ERMP1: variants seen among roughly 807,000 people sequenced by gnomAD.
ERMP1 encodes the protein endoplasmic reticulum metallopeptidase 1.
A neutral mutation model predicts 92.0 loss-of-function variants in ERMP1; 86 were observed. The ratio of observed to expected loss-of-function variants is 0.93; its 90% CI spans 0.79 to 1.12. ERMP1 has a LOEUF of 1.12. Ranked by LOEUF, ERMP1 falls within the 50% of genes most tolerant of loss-of-function variation. The pLI is 0.00. For synonymous variants in ERMP1, 530 were observed against 412.8 expected (o/e 1.28, Z -3.44); for missense variants, 1,342 against 1,116.3 (o/e 1.20, Z -2.88).
chr9:5,810,012 ATGT>A lies in ERMP1; in HGVS notation c.1544_1546del (p.Tyr515_Met516delinsLeu), dbSNP rs1563758158. The A allele has an allele frequency of 4.4e-6, 7 of 1,580,114 alleles. No individual in the cohort carries two copies. Among genetic ancestry groups the A allele is most frequent in the Non-Finnish European group, 6.1e-6 (7 of 1,150,088 alleles). The stretch of plus-strand genomic sequence containing the variant: ...TCAACAAATATACCAAACACTTACC[ATGT>A]AATAAAATCTTTTCGCAAGAGTATG... On this transcript the variant is annotated inframe_deletion and splice_region_variant, in exon 8 of 15. Coordinates refer to ENST00000339450, the MANE Select transcript of ERMP1 (RefSeq NM_024896.3).
intron 6 of ERMP1, among the ~76,000 whole-genome samples, chr9:5,841,477 G>T (rs1830162624): frequency 6.6e-6 from 1 of 152,178 alleles, no homozygotes; most frequent in African/African-American, 2.4e-5. Context: ...CTGCTTAAAA[G>T]GTATGGGGTT....
upstream of ERMP1, among the ~76,000 whole-genome samples, chr9:5,836,076 G>C (rs891303069): frequency 3.3e-5 from 5 of 152,214 alleles, no homozygotes; most frequent in Admixed American, 3.3e-4. Flanking sequence ...TTATGACAAA[G>C]TAAGAGCTAA....
intron 5 of ERMP1, 58 bp downstream of exon 5, chr9:5,812,831 A>T: frequency 6.3e-7 from 1 of 1,591,926 alleles, no homozygotes; most frequent in East Asian, 2.2e-5. Context: ...TTCAAGATTT[A>T]AAATTTGCTT....
intron 6 of ERMP1, among the ~76,000 whole-genome samples, chr9:5,839,692 C>T (rs1344351723): frequency 1.3e-5 from 2 of 152,194 alleles, no homozygotes; most frequent in South Asian, 2.1e-4. Flanking sequence ...CAGGCTGTGT[C>T]CTGGAACGGT....
At position 5,798,921 on chromosome 9, in the gene ERMP1, T is replaced by C; in HGVS notation, c.2155A>G (p.Ile719Val). 1.2e-6 allele frequency: 2 copies of C among 1,612,952 alleles called. No homozygotes were observed. Among genetic ancestry groups the C allele is most frequent in the Middle Eastern group, 1.7e-4 (1 of 6,058 alleles). ...GGAATGTGAGGGGTTATGTGAGAAA[T>C]TCCAGTATAATCAAACCCATTGATC... ...IWINGFDYTG[I>V]SHITPHIPEI... The change falls in exon 12 of 15, where the codon ATT (isoleucine) becomes GTT (valine). Residue 719 changes from isoleucine to valine, a missense_variant. Coordinates refer to ENST00000339450, the MANE Select transcript of ERMP1 (RefSeq NM_024896.3).
At chr9:5,855,858 A>C (rs1381478617) in intron 6 of ERMP1, 2 of 192,180 alleles carry the variant, frequency 1.0e-5, no homozygotes, top group Admixed American at 6.3e-5. Context: ...ATCAGTCTCC[A>C]TCCCAGAAAA....
At position 5,832,779 on chromosome 9, in the gene ERMP1, C is replaced by G. The variant is rs201192168; in HGVS notation, c.249G>C (p.Ala83=). Residue 83 remains alanine (A), a synonymous_variant, in exon 1 of 15, where the codon GCG becomes GCC. Coordinates refer to ENST00000339450, the MANE Select transcript of ERMP1 (RefSeq NM_024896.3). ...GCGAGAGCTGCACCAGCGTCCGCAG[C>G]GCGATCAGGTAGAGCGCGAGCCCCA... The part of the protein sequence containing the change: ...AALGLALYLI[A]LRTLVQLSLQ... 4.1e-4 allele frequency: 609 copies of G among 1,500,128 alleles called. 6 individuals are homozygous for G. In the African/African-American group the frequency reaches 7.8e-3, roughly 19 times the overall value. The allele number at this position is 1,500,128 out of a possible 1,614,324, so 92.9% of individuals were successfully genotyped here.
chr9:5,785,232 G>C lies in ERMP1; in HGVS notation c.*1912C>G, dbSNP rs1346254827. On this transcript the variant is annotated 3_prime_UTR_variant, in exon 15 of 15. Coordinates refer to ENST00000339450, the MANE Select transcript of ERMP1 (RefSeq NM_024896.3). Reference sequence around the variant, plus strand: ...ATGAAAACAGTCATAATTTATTACTGATAAAGAGTAAAGGCATCCTTCCCA... The same window carrying C: ...ATGAAAACAGTCATAATTTATTACTCATAAAGAGTAAAGGCATCCTTCCCA... 6.6e-6 allele frequency: 1 copy of C among 152,134 alleles called. No individual in the cohort carries two copies. Among genetic ancestry groups the C allele is most frequent in the Non-Finnish European group, 1.5e-5 (1 of 68,026 alleles). 9.4% of individuals were successfully genotyped at this position (152,134 alleles called of 1,614,324 possible).
intron 5 of ERMP1, among the ~76,000 whole-genome samples, 175 bp from the exon 6 acceptor site, chr9:5,812,392 T>C (rs1042418225): frequency 6.6e-6 from 1 of 152,230 alleles, no homozygotes; most frequent in Non-Finnish European, 1.5e-5. Context: ...ACACAGTCTA[T>C]AGCTTTGGTA....
intron 5 of ERMP1, 32 bp downstream of exon 5, chr9:5,812,857 T>A: frequency 6.2e-7 from 1 of 1,613,368 alleles, no homozygotes; most frequent in South Asian, 1.1e-5. Context: ...AAATAAATGC[T>A]GCACAGTAGG....
exon 6 of ERMP1, among the ~76,000 whole-genome samples, chr9:5,859,582 T>G (rs928812165): frequency 3.2e-4 from 49 of 152,158 alleles, no homozygotes; most frequent in Non-Finnish European, 3.1e-4. Flanking sequence ...GTTCAGGGAA[T>G]GAGAAAGACC....
intron 4 of ERMP1, among the ~76,000 whole-genome samples, chr9:5,813,540 A>AGGGAATAT (rs1382662429): frequency 2.0e-5 from 3 of 152,118 alleles, no homozygotes; most frequent in Non-Finnish European, 4.4e-5. Flanking sequence ...TCTGCATTAT[A>AGGGAATAT]CTAGTAAGCA....
intron 11 of ERMP1, 79 bp downstream of exon 11, chr9:5,801,097 G>C (rs891018418): frequency 6.9e-7 from 1 of 1,446,260 alleles, no homozygotes; most frequent in Non-Finnish European, 9.3e-7. Flanking sequence ...AGTCAGCTGC[G>C]CTTGCTATTC....
intron 13 of ERMP1, among the ~76,000 whole-genome samples, chr9:5,793,289 T>C (rs1471334733): frequency 6.7e-6 from 1 of 148,578 alleles, no homozygotes; most frequent in Non-Finnish European, 1.5e-5. Flanking sequence ...AAAATAGTAG[T>C]GTAACTGACA....
intron 10 of ERMP1, among the ~76,000 whole-genome samples, chr9:5,803,613 A>G (rs374735024): frequency 1.3e-3 from 193 of 152,324 alleles, no homozygotes; most frequent in African/African-American, 4.4e-3. Context: ...CATTCAGTTC[A>G]TAACTAGTTG....
In ERMP1 at chr9:5,811,168, C is replaced by A; in HGVS notation, c.1270G>T (p.Val424Leu). The A allele has an allele frequency of 6.2e-7, 1 of 1,613,922 alleles. No individual in the cohort carries two copies. The highest frequency in any genetic ancestry group is 8.5e-7 in the Non-Finnish European group (1 of 1,179,946). ...AGGTACAAAACAACACCCATTACCA[C>A]CATGTAGTTTATGATTGAGCCAATA... The part of the protein sequence containing the change: ...SRIGSIINYM[V>L]VMGVVLYLGK... The change falls in exon 7 of 15, where the codon GTG becomes TTG. Residue 424 changes from valine (V) to leucine (L), a missense_variant. By Grantham distance (32) the Val-to-Leu change is conservative. Coordinates refer to ENST00000339450, the MANE Select transcript of ERMP1 (RefSeq NM_024896.3).
chr9:5,831,193 T>C (rs557815647), intron 1 of ERMP1, among the ~76,000 whole-genome samples, 165 bp from the exon 2 acceptor site: 14 of 152,298 alleles, frequency 9.2e-5, no homozygotes, highest in African/African-American at 3.4e-4. Flanking sequence ...ACATCACTTA[T>C]AAAGTTCCAT....
At chr9:5,845,882 G>A (rs1040207097) in intron 6 of ERMP1, among the ~76,000 whole-genome samples, 1 of 152,208 alleles carries the variant, frequency 6.6e-6, no homozygotes, top group Non-Finnish European at 1.5e-5. Context: ...CCAGGAGGGA[G>A]GCAATTAGTG....
intron 6 of ERMP1, among the ~76,000 whole-genome samples, chr9:5,845,922 G>A (rs999141224): frequency 1.3e-5 from 2 of 152,190 alleles, no homozygotes; most frequent in Non-Finnish European, 2.9e-5. Flanking sequence ...CGGAGTGTTT[G>A]GGTCAGGGAG....
Sources: allele counts gnomAD v4.1 joint callset (sites outside exome capture counted in the v4.1 genomes callset), GRCh38; gene constraint gnomAD v4.1.1; transcripts MANE v1.5; gene names NCBI Gene and HGNC (gene_info 2026-07-23, HGNC 2026-07-21).